Variants in ECD observed in about 807,000 individuals in gnomAD.
The protein encoded by ECD is protein ecdysoneless homolog.
Under a neutral mutation model 77.2 loss-of-function variants are expected in ECD, and 59 were observed. The observed-to-expected ratio is 0.76, with a 90% CI of 0.62 to 0.95. The LOEUF (loss-of-function observed/expected upper bound fraction) is 0.95. Among genes scored for constraint, ECD ranks in the 40% least tolerant of loss-of-function variants. ECD has a pLI of 0.00. For synonymous variants in ECD, 233 were observed against 267.4 expected (o/e 0.87, Z 1.26); for missense variants, 704 against 763.4 (o/e 0.92, Z 0.92).
intron 3 of ECD, among the ~76,000 whole-genome samples, chr10:73,158,426 A>C (rs1324344237): frequency 6.6e-6 from 1 of 151,742 alleles, no homozygotes; most frequent in Non-Finnish European, 1.5e-5. Context: ...TAAATATATA[A>C]AATTTTTATT....
chr10:73,137,570 T>G (rs1337988533), intron 12 of ECD, among the ~76,000 whole-genome samples: 8 of 152,130 alleles, frequency 5.3e-5, no homozygotes, highest in African/African-American at 1.9e-4. Flanking sequence ...GGTCAGGAGA[T>G]CGAGACCATC....
At chr10:73,147,550 C>CAAAAAAAAAAAAAAAAAAAAAAAAAA (rs879860653) in intron 8 of ECD, among the ~76,000 whole-genome samples, 1 of 136,990 alleles carries the variant, frequency 7.3e-6, no homozygotes. Flanking sequence ...AACTCCATCT[C>CAAAAAAAAAAAAAAAAAAAAAAAAAA]AAAAAAAAAA....
At chr10:73,161,634 C>A (rs1350066992) in intron 2 of ECD, among the ~76,000 whole-genome samples, 3 of 152,142 alleles carry the variant, frequency 2.0e-5, no homozygotes, top group Non-Finnish European at 2.9e-5. Context: ...TGACACCAAT[C>A]CTCCTCAAAA....
At position 73,139,389 on chromosome 10, in the gene ECD, G is replaced by A. The variant is rs1480114485; in HGVS notation, c.1341C>T (p.Asn447=). The part of the protein sequence containing the change: ...ESVSKEEKEQ[N]YDLTEVSESM... ...TCTCTGAGACTTCAGTTAAGTCATA[G>A]TTCTGCTCCTTCTCCTCCTTGGAAA... Residue 447 remains asparagine, a synonymous_variant, in exon 11 of 14, where the codon AAC becomes AAT. Coordinates refer to ENST00000372979, the MANE Select transcript of ECD (RefSeq NM_007265.3). 2.0e-5 allele frequency: 32 copies of A among 1,614,172 alleles called. No homozygotes were observed. Among genetic ancestry groups the A allele is most frequent in the Non-Finnish European group, 2.6e-5 (31 of 1,180,032 alleles).
chr10:73,165,799 A>AT (rs1478059208), intron 1 of ECD, among the ~76,000 whole-genome samples: 3 of 144,554 alleles, frequency 2.1e-5, no homozygotes, highest in Non-Finnish European at 4.4e-5. Flanking sequence ...AGTTATTTTT[A>AT]TTAAAAAAAT....
chr10:73,152,551 A>G (rs1843227359), intron 6 of ECD, 130 bp from the exon 7 acceptor site: 7 of 1,065,700 alleles, frequency 6.6e-6, no homozygotes, highest in Non-Finnish European at 9.2e-6. Flanking sequence ...AGAAGATTCA[A>G]CCTATTCATT....
intron 7 of ECD, among the ~76,000 whole-genome samples, chr10:73,151,132 T>G (rs1843196320): frequency 1.3e-5 from 2 of 151,968 alleles, no homozygotes; most frequent in East Asian, 3.9e-4. Context: ...AACCCAAATG[T>G]CCAACAATGA....
At position 73,152,398 on chromosome 10, in the gene ECD, A is replaced by G. The variant is rs201647688; in HGVS notation, c.807T>C (p.Tyr269=). The change falls in exon 7 of 14, where the codon TAT becomes TAC. Residue 269 remains tyrosine, a synonymous_variant. Coordinates refer to ENST00000372979, the MANE Select transcript of ECD (RefSeq NM_007265.3). The part of the protein sequence containing the change: ...MTSVTFTKCL[Y]AQLVQQRFVP... Reference sequence around the variant, plus strand: ...CAAACCTTTGTTGCACCAATTGTGCATATAGACATTTAGTGAATGTGACCT... The same window carrying G: ...CAAACCTTTGTTGCACCAATTGTGCGTATAGACATTTAGTGAATGTGACCT... The G allele has an allele frequency of 1.2e-6, 2 of 1,613,696 alleles. No individual in the cohort carries two copies. Among genetic ancestry groups the G allele is most frequent in the African/African-American group, 1.3e-5 (1 of 75,054 alleles).
Position 73,148,401 on chromosome 10 carries a change from G to A in ECD, c.916C>T (p.His306Tyr), listed in dbSNP as rs1448029637. The A allele has an allele frequency of 6.8e-6, 11 of 1,611,158 alleles. No individual in the cohort carries two copies. Among genetic ancestry groups the A allele is most frequent in the Non-Finnish European group, 9.3e-6 (11 of 1,178,918 alleles). ...TTGGAGCATAAGATCTCAAATCCAT[G>A]AGCCTAGATGAGATAGGTAGAATTT... ...RAHELGMKLA[H>Y]GFEILCSKCS... Residue 306 changes from histidine to tyrosine, a missense_variant, in exon 8 of 14, where the codon CAT (histidine) becomes TAT (tyrosine). Around this residue, in one of 3 missense-constraint regions of ECD, gnomAD observed 559 missense variants for 583.7 expected, o/e 0.96. Coordinates refer to ENST00000372979, the MANE Select transcript of ECD (RefSeq NM_007265.3).
intron 6 of ECD, 74 bp downstream of exon 6, chr10:73,154,182 A>G: frequency 1.4e-6 from 2 of 1,436,804 alleles, no homozygotes; most frequent in South Asian, 1.5e-5. Flanking sequence ...TGAGAAATGT[A>G]AAAAGAAAAA....
At chr10:73,151,148 T>C (rs1843196646) in intron 7 of ECD, among the ~76,000 whole-genome samples, 1 of 151,898 alleles carries the variant, frequency 6.6e-6, no homozygotes, top group Non-Finnish European at 1.5e-5. Context: ...AATGATAGAC[T>C]GGATTAAGAA....
chr10:73,143,437 A>G (rs554028228), intron 9 of ECD, among the ~76,000 whole-genome samples: 1 of 152,328 alleles, frequency 6.6e-6, no homozygotes, highest in African/African-American at 2.4e-5. Flanking sequence ...AAATGCTGGC[A>G]TTACAGGTGT....
intron 11 of ECD, among the ~76,000 whole-genome samples, chr10:73,138,857 G>A (rs1272834175): frequency 2.6e-5 from 4 of 152,232 alleles, no homozygotes; most frequent in Non-Finnish European, 5.9e-5. Flanking sequence ...GAGCCACCGC[G>A]CCCAGCCTAC....
chr10:73,166,456 C>T (rs961742035), intron 1 of ECD, among the ~76,000 whole-genome samples: 1 of 152,144 alleles, frequency 6.6e-6, no homozygotes, highest in African/African-American at 2.4e-5. Flanking sequence ...GTGTTTTATC[C>T]AAATCCTTGC....
In ECD at chr10:73,152,255, A is replaced by C. The variant is rs755250123; in HGVS notation, c.912+38T>G. ...ACTATTCTATTAAGAGTCCATTTAC[A>C]TAAAGAAAGGAAACAACATTTTCTG... On this transcript the variant is annotated intron_variant, in intron 7 of 13. Coordinates refer to ENST00000372979, the MANE Select transcript of ECD (RefSeq NM_007265.3). The C allele has an allele frequency of 3.1e-6, 5 of 1,602,932 alleles. No individual in the cohort carries two copies. The East Asian group carries it at 9.0e-5, about 29-fold the overall frequency.
chr10:73,158,086 G>A (rs933589958), intron 3 of ECD, among the ~76,000 whole-genome samples: 1 of 151,804 alleles, frequency 6.6e-6, no homozygotes, highest in African/African-American at 2.4e-5. Flanking sequence ...TCAGCCTCCC[G>A]AGTAGCTGGG....
At chr10:73,153,464 C>T (rs369070808) in intron 6 of ECD, among the ~76,000 whole-genome samples, 4 of 150,532 alleles carry the variant, frequency 2.7e-5, no homozygotes, top group African/African-American at 9.7e-5. Flanking sequence ...AGGCTGGGTG[C>T]GGTGGCTCAC....
chr10:73,139,526 T>C lies in ECD; in HGVS notation c.1235-31A>G, dbSNP rs749091074. ...AAAGAAGAAAGCATAATACTGCCATTCTACATTCACATAAGTCCTCTTAGG... is the reference window on the plus strand; with the variant it reads ...AAAGAAGAAAGCATAATACTGCCATCCTACATTCACATAAGTCCTCTTAGG... On this transcript the variant is annotated intron_variant, in intron 10 of 13. Transcript: ENST00000372979. 12 of 1,608,042 alleles carry C rather than the reference T, an allele frequency of 7.5e-6. No homozygotes were observed. In the East Asian group the frequency reaches 2.7e-4, roughly 36 times the overall value.
intron 9 of ECD, among the ~76,000 whole-genome samples, chr10:73,141,202 G>A (rs961979464): frequency 2.0e-5 from 3 of 151,608 alleles, no homozygotes; most frequent in Admixed American, 6.6e-5. Flanking sequence ...CAGGCTGGGC[G>A]ACAAGAGCGA....
Sources: allele counts gnomAD v4.1 joint callset (sites outside exome capture counted in the v4.1 genomes callset), GRCh38; gene constraint gnomAD v4.1.1; regional missense constraint gnomAD v4.1.1; transcripts MANE v1.5; gene names NCBI Gene and HGNC (gene_info 2026-07-23, HGNC 2026-07-21).